NEK1: variants seen among roughly 807,000 people sequenced by gnomAD.
NEK1 encodes serine/threonine-protein kinase Nek1.
In NEK1, 137 loss-of-function variants were observed where a neutral mutation model predicts 182.1. That is an observed-to-expected ratio of 0.75 (90% confidence interval 0.65 to 0.87). The LOEUF (loss-of-function observed/expected upper bound fraction) is 0.87. Ranked by LOEUF, NEK1 falls within the 40% of genes least tolerant of loss-of-function variation. The pLI, the probability that NEK1 is intolerant of heterozygous loss-of-function variation, is 0.00. For synonymous variants in NEK1, 513 were observed against 492.2 expected, an observed-to-expected ratio of 1.04 and a Z score of -0.56; for missense variants, 1,391 against 1,494.4, an observed-to-expected ratio of 0.93 and a Z score of 1.14.
At chr4:169,597,993 T>C (rs1769849308) in intron 5 of NEK1, among the ~76,000 whole-genome samples, 1 of 151,908 alleles carries the variant, frequency 6.6e-6, no homozygotes, top group Non-Finnish European at 1.5e-5. Flanking sequence ...TCTGAATGTG[T>C]GTGTCTTAAT....
At chr4:169,413,142 T>C (rs1240328966) in intron 31 of NEK1, among the ~76,000 whole-genome samples, 5 of 149,578 alleles carry the variant, frequency 3.3e-5, no homozygotes, top group Non-Finnish European at 7.4e-5. Flanking sequence ...CTTCAAACTA[T>C]AGTTATTAAT....
At chr4:169,568,152 C>T (rs114260073) in intron 12 of NEK1, among the ~76,000 whole-genome samples, 4 of 152,248 alleles carry the variant, frequency 2.6e-5, no homozygotes, top group Non-Finnish European at 5.9e-5. Context: ...TAAGGCAACT[C>T]GCTTCTACAA....
At chr4:169,590,850 A>G (rs768081216) in intron 5 of NEK1, 41 bp from the exon 6 acceptor site, 12 of 1,289,724 alleles carry the variant, frequency 9.3e-6, no homozygotes, top group Middle Eastern at 1.9e-4. Flanking sequence ...CTCTTTGACC[A>G]TTAAAAGAAT....
At chr4:169,602,177 G>C in intron 3 of NEK1, 73 bp from the exon 4 acceptor site, 1 of 1,040,688 alleles carries the variant, frequency 9.6e-7, no homozygotes, top group Non-Finnish European at 1.5e-6. Context: ...CAATAGGTGA[G>C]TGGTTAAAAC....
chr4:169,475,549 G>A lies in NEK1; in HGVS notation c.2434+1575C>T, dbSNP rs562117268. ...TACCTAGCACCCAACAAGGTAAAAT[G>A]CAAAATGTCTGACATCCAATTAAAA... On this transcript the variant is annotated intron_variant, in intron 26 of 35. Transcript: ENST00000507142. 7.2e-5 allele frequency among the ~76,000 whole-genome samples: 11 copies of A among 152,174 alleles called. No individual in the cohort carries two copies. The East Asian group carries it at 2.1e-3, about 29-fold the overall frequency.
intron 23 of NEK1, among the ~76,000 whole-genome samples, chr4:169,497,314 G>C (rs1231332602): frequency 2.0e-5 from 3 of 151,726 alleles, no homozygotes; most frequent in African/African-American, 7.3e-5. Flanking sequence ...TATTAGTCTT[G>C]CTAGCGGTCT....
At chr4:169,440,827 C>T (rs539065859) in intron 27 of NEK1, among the ~76,000 whole-genome samples, 1 of 152,282 alleles carries the variant, frequency 6.6e-6, no homozygotes, top group African/African-American at 2.4e-5. Flanking sequence ...TGCCTGGAGT[C>T]AAAGTGATGC....
intron 12 of NEK1, among the ~76,000 whole-genome samples, chr4:169,576,256 C>T (rs1765675696): frequency 6.6e-6 from 1 of 152,184 alleles, no homozygotes; most frequent in Non-Finnish European, 1.5e-5. Flanking sequence ...TGAACCACCA[C>T]ACCTGACCTA....
intron 23 of NEK1, among the ~76,000 whole-genome samples, chr4:169,488,605 ATAT>A (rs1409793342): frequency 6.6e-6 from 1 of 152,136 alleles, no homozygotes; most frequent in Non-Finnish European, 1.5e-5. Flanking sequence ...TAGATTGAAA[ATAT>A]TATACTTTTG....
intron 11 of NEK1, among the ~76,000 whole-genome samples, chr4:169,580,494 C>CAAA (rs11348370): frequency 2.6e-4 from 17 of 65,830 alleles, no homozygotes; most frequent in African/African-American, 7.2e-4. Context: ...AACTTCATCT[C>CAAA]AAAAAAAAAA....
At chr4:169,426,056 T>C in intron 30 of NEK1, 90 bp downstream of exon 30, 1 of 931,772 alleles carries the variant, frequency 1.1e-6, no homozygotes, top group Non-Finnish European at 1.7e-6. Context: ...GAATGCTTTC[T>C]TATTTATATA....
At chr4:169,414,056 G>A (rs975242956) in intron 31 of NEK1, among the ~76,000 whole-genome samples, 1 of 152,156 alleles carries the variant, frequency 6.6e-6, no homozygotes, top group African/African-American at 2.4e-5. Flanking sequence ...ACTGTGAGAA[G>A]TAACTATATG....
intron 12 of NEK1, among the ~76,000 whole-genome samples, chr4:169,569,430 C>T (rs921448771): frequency 6.0e-5 from 9 of 150,434 alleles, no homozygotes; most frequent in Non-Finnish European, 1.0e-4. Context: ...CTCTCTCCCT[C>T]TCCCTCTCCC....
chr4:169,417,197 G>A (rs1051870605), intron 31 of NEK1, among the ~76,000 whole-genome samples: 1 of 152,136 alleles, frequency 6.6e-6, no homozygotes, highest in East Asian at 1.9e-4. Flanking sequence ...GTAACAGCAA[G>A]TGCAAACTCT....
chr4:169,464,772 T>C (rs1437659902), intron 26 of NEK1, among the ~76,000 whole-genome samples: 1 of 152,124 alleles, frequency 6.6e-6, no homozygotes, highest in Non-Finnish European at 1.5e-5. Flanking sequence ...AAAATAAACA[T>C]ACATATGGAT....
intron 12 of NEK1, 77 bp downstream of exon 12, chr4:169,576,851 G>T: frequency 7.7e-7 from 1 of 1,306,884 alleles, no homozygotes; most frequent in South Asian, 1.3e-5. Flanking sequence ...ATAATATCAA[G>T]GTAACTGAAT....
At chr4:169,444,253 T>C (rs7694656) in intron 27 of NEK1, among the ~76,000 whole-genome samples, 43,952 of 151,916 alleles carry the variant, frequency 0.29, 9,062 homozygotes, top group African/African-American at 0.59. Context: ...ACAAAATGAC[T>C]AGAGTTAAGT....
chr4:169,544,192 G>A (rs1759959924), intron 18 of NEK1, among the ~76,000 whole-genome samples: 1 of 152,114 alleles, frequency 6.6e-6, no homozygotes, highest in South Asian at 2.1e-4. Flanking sequence ...GTTAAATTTT[G>A]TCAAAGGCCT....
chr4:169,401,764 T>C lies in NEK1; in HGVS notation c.3471A>G (p.Glu1157=). 1 of 1,613,866 alleles carries C rather than the reference T, an allele frequency of 6.2e-7. No homozygotes were observed. Among genetic ancestry groups the C allele is most frequent in the Admixed American group, 1.7e-5 (1 of 60,018 alleles). ...CATCACTGTTCTTCAAGACTGACTC[T>C]TCTTCTTCACTGTATTCTTCACCAG... The part of the protein sequence containing the change: ...EQPGEEYSEE[E]ESVLKNSDVE... The change falls in exon 33 of 36, where the codon GAA becomes GAG. Residue 1157 remains glutamate (E), a synonymous_variant. Transcript: ENST00000507142.
Sources: gnomAD v4.1 joint callset for allele counts (sites outside exome capture counted in the v4.1 genomes callset) on GRCh38, gnomAD v4.1.1 for gene constraint, MANE v1.5 for transcripts, NCBI Gene and HGNC (gene_info 2026-07-23, HGNC 2026-07-21) for gene names.